Variants in FOXO3 observed in about 807,000 individuals in gnomAD.
The protein encoded by FOXO3 is forkhead box O3.
Under a neutral mutation model 41.9 loss-of-function variants are expected in FOXO3, and 4 were observed. The ratio of observed to expected loss-of-function variants is 0.10; its 90% CI spans 0.05 to 0.22. The LOEUF (loss-of-function observed/expected upper bound fraction) is 0.22, where lower values mean the gene tolerates loss of function less well. Ranked by LOEUF, FOXO3 falls within the 10% of genes least tolerant of loss-of-function variation. The pLI is 1.00. For synonymous variants in FOXO3, 318 were observed against 389.3 expected (o/e 0.82, Z 2.16); for missense variants, 534 against 906.8 (o/e 0.59, Z 5.28).
chr6:108,663,303 C>A, intron 1 of FOXO3, 152 bp from the exon 2 acceptor site: 1 of 1,252,752 alleles, frequency 8.0e-7, no homozygotes, highest in Non-Finnish European at 1.1e-6. Flanking sequence ...GTTGAGGCTG[C>A]ACCACTGCAT....
chr6:108,588,228 A>AT (rs1562235316), intron 1 of FOXO3, among the ~76,000 whole-genome samples: 1 of 152,190 alleles, frequency 6.6e-6, no homozygotes, highest in South Asian at 2.1e-4. Context: ...ATTTTGAACT[A>AT]TTCAGTATAT....
At chr6:108,643,121 T>G (rs1778303048) in intron 1 of FOXO3, among the ~76,000 whole-genome samples, 1 of 152,262 alleles carries the variant, frequency 6.6e-6, no homozygotes, top group Non-Finnish European at 1.5e-5. Context: ...AATAGACTTC[T>G]AAACTTTCAT....
chr6:108,644,292 A>G (rs969541134), intron 1 of FOXO3, among the ~76,000 whole-genome samples: 1 of 152,216 alleles, frequency 6.6e-6, no homozygotes, highest in African/African-American at 2.4e-5. Flanking sequence ...CAGAGATAGT[A>G]CGTATGAAAC....
intron 1 of FOXO3, among the ~76,000 whole-genome samples, chr6:108,572,736 A>G (rs1444782147): frequency 6.6e-6 from 1 of 152,244 alleles, no homozygotes; most frequent in Non-Finnish European, 1.5e-5. Context: ...AATAATGACA[A>G]TAATAGTAGC....
chr6:108,596,039 A>G (rs905049712), intron 1 of FOXO3, among the ~76,000 whole-genome samples: 2 of 151,792 alleles, frequency 1.3e-5, no homozygotes, highest in African/African-American at 4.8e-5. Flanking sequence ...TTCCATTCAT[A>G]TTTTTTTCTT....
chr6:108,640,305 T>C (rs954292543), intron 1 of FOXO3, among the ~76,000 whole-genome samples: 2 of 152,206 alleles, frequency 1.3e-5, no homozygotes, highest in African/African-American at 4.8e-5. Flanking sequence ...GTTGTCGTAA[T>C]TGGGGCAACA....
chr6:108,665,046 G>T (rs1779008690), intron 2 of FOXO3, among the ~76,000 whole-genome samples, 157 bp downstream of exon 2: 3 of 152,160 alleles, frequency 2.0e-5, no homozygotes, highest in Non-Finnish European at 4.4e-5. Flanking sequence ...CCATCTCAGG[G>T]TTTTACCTGC....
intron 2 of FOXO3, among the ~76,000 whole-genome samples, chr6:108,677,590 C>T (rs986558399): frequency 6.6e-6 from 1 of 152,124 alleles, no homozygotes; most frequent in Non-Finnish European, 1.5e-5. Flanking sequence ...TACTTTACAG[C>T]TTCTCCCTCG....
intron 1 of FOXO3, among the ~76,000 whole-genome samples, chr6:108,587,740 C>T (rs1330114637): frequency 6.6e-6 from 1 of 152,200 alleles, no homozygotes; most frequent in African/African-American, 2.4e-5. Context: ...TTTAATTTTT[C>T]TCACAGAGGT....
At chr6:108,575,816 G>A (rs1345645039) in intron 1 of FOXO3, among the ~76,000 whole-genome samples, 1 of 152,132 alleles carries the variant, frequency 6.6e-6, no homozygotes, top group Non-Finnish European at 1.5e-5. Context: ...GCAGACTGAG[G>A]CCCACAGACT....
Position 108,664,717 on chromosome 6 carries a change from C to T in FOXO3, c.1884C>T (p.Ile628=), listed in dbSNP as rs199956162. The change falls in exon 2 of 3, where the codon ATC becomes ATT. Residue 628 remains isoleucine (I), a synonymous_variant. Coordinates refer to ENST00000406360, the MANE Select transcript of FOXO3 (RefSeq NM_001455.4). ...TGGAATGTGACATGGAGTCCATTATCCGTAGTGAACTCATGGATGCTGATG... is the reference window on the plus strand; with the variant it reads ...TGGAATGTGACATGGAGTCCATTATTCGTAGTGAACTCATGGATGCTGATG... ...GSLECDMESI[I]RSELMDADGL... The T allele has an allele frequency of 5.7e-5, 68 of 1,191,092 alleles. No homozygotes were observed. Among genetic ancestry groups the T allele is most frequent in the African/African-American group, 4.1e-4 (27 of 65,168 alleles). The allele number at this position is 1,191,092 out of a possible 1,614,324, so 73.8% of individuals were successfully genotyped here.
At chr6:108,674,541 C>T (rs886362500) in intron 2 of FOXO3, among the ~76,000 whole-genome samples, 2 of 152,222 alleles carry the variant, frequency 1.3e-5, no homozygotes, top group Non-Finnish European at 1.5e-5. Context: ...GAAAAAGTTG[C>T]CATTTCAGGC....
At chr6:108,579,783 C>T (rs892786514) in intron 1 of FOXO3, among the ~76,000 whole-genome samples, 2 of 151,964 alleles carry the variant, frequency 1.3e-5, no homozygotes, top group Non-Finnish European at 2.9e-5. Flanking sequence ...AGTAGCAGTC[C>T]AGAAGGCTTG....
intron 1 of FOXO3, among the ~76,000 whole-genome samples, chr6:108,564,318 G>A (rs1582724708): frequency 6.6e-6 from 1 of 152,322 alleles, no homozygotes; most frequent in Admixed American, 6.5e-5. Context: ...TGGTTTAGTG[G>A]AAGAAGAGGG....
At chr6:108,671,638 A>G (rs1009976688) in intron 2 of FOXO3, among the ~76,000 whole-genome samples, 1 of 152,216 alleles carries the variant, frequency 6.6e-6, no homozygotes, top group African/African-American at 2.4e-5. Context: ...TTTAATGTTT[A>G]TTGTGATTTA....
intron 1 of FOXO3, among the ~76,000 whole-genome samples, chr6:108,591,472 G>A (rs1280926739): frequency 6.6e-6 from 1 of 152,202 alleles, no homozygotes; most frequent in Non-Finnish European, 1.5e-5. Flanking sequence ...GTAGCTGGGA[G>A]TCAGCATGAA....
chr6:108,647,668 T>C (rs926556227), intron 1 of FOXO3, among the ~76,000 whole-genome samples: 1 of 152,146 alleles, frequency 6.6e-6, no homozygotes, highest in Non-Finnish European at 1.5e-5. Flanking sequence ...TAGATGTCCG[T>C]GAACACCATA....
intron 1 of FOXO3, among the ~76,000 whole-genome samples, chr6:108,649,072 A>G (rs1407235686): frequency 1.3e-5 from 2 of 151,682 alleles, no homozygotes; most frequent in African/African-American, 4.8e-5. Flanking sequence ...ACCAGACGCC[A>G]AACTCTTGGG....
At chr6:108,580,716 AAGAAG>A (rs1776394205) in intron 1 of FOXO3, among the ~76,000 whole-genome samples, 1 of 152,338 alleles carries the variant, frequency 6.6e-6, no homozygotes, top group Non-Finnish European at 1.5e-5. Context: ...TTTGGTTTAA[AAGAAG>A]AGAAAGGGAG....
Sources: gnomAD v4.1 joint callset for allele counts (sites outside exome capture counted in the v4.1 genomes callset) on GRCh38, gnomAD v4.1.1 for gene constraint, MANE v1.5 for transcripts, NCBI Gene and HGNC (gene_info 2026-07-23, HGNC 2026-07-21) for gene names.